The following NEK11 variants were observed in gnomAD, a reference collection of about 807,000 sequenced individuals.
NEK11 encodes the protein NIMA related kinase 11.
In NEK11, 72 loss-of-function variants were observed where a neutral mutation model predicts 80.7. The observed-to-expected ratio is 0.89, with a 90% CI of 0.74 to 1.08. NEK11 has a LOEUF of 1.08. Among genes scored for constraint, NEK11 ranks in the 50% least tolerant of loss-of-function variants. The pLI, the probability that NEK11 is intolerant of heterozygous loss-of-function variation, is 0.00. For missense variants in NEK11, 764 were observed against 763.6 expected, an observed-to-expected ratio of 1.00 and a Z score of -0.01; for synonymous variants, 251 against 260.7, an observed-to-expected ratio of 0.96 and a Z score of 0.36.
At chr3:131,132,633 A>G (rs537328738) in intron 5 of NEK11, 112 bp from the exon 6 acceptor site, 2 of 603,336 alleles carry the variant, frequency 3.3e-6, no homozygotes, top group South Asian at 2.0e-5. Flanking sequence ...AGATATATCT[A>G]TGGGAGTATA....
chr3:131,348,491 A>G (rs538267558), intron 17 of NEK11, among the ~76,000 whole-genome samples: 3 of 152,210 alleles, frequency 2.0e-5, no homozygotes, highest in African/African-American at 7.2e-5. Flanking sequence ...CAGAAAATGC[A>G]GAGTACAGAG....
At chr3:131,296,042 T>A (rs2096589374) in intron 17 of NEK11, among the ~76,000 whole-genome samples, 1 of 152,090 alleles carries the variant, frequency 6.6e-6, no homozygotes, top group African/African-American at 2.4e-5. Context: ...GGTTTCACCA[T>A]GATGTCCAAC....
intron 14 of NEK11, chr3:131,184,739 A>G (rs2093526713): frequency 1.6e-6 from 2 of 1,252,502 alleles, no homozygotes; most frequent in Non-Finnish European, 2.1e-6. Context: ...AATACTGGAA[A>G]AATGAAAAAT....
At chr3:131,213,138 C>T (rs2150551756) in intron 14 of NEK11, among the ~76,000 whole-genome samples, 1 of 152,108 alleles carries the variant, frequency 6.6e-6, no homozygotes, top group East Asian at 1.9e-4. Context: ...TTGCCAGCCC[C>T]CATAATTGCG....
chr3:131,133,300 A>G (rs779810489), intron 6 of NEK11: 10 of 455,060 alleles, frequency 2.2e-5, no homozygotes, highest in Non-Finnish European at 4.0e-5. Flanking sequence ...TAATCATCAT[A>G]TAGGGTGTAC....
chr3:131,141,223 T>A (rs2086824915), intron 7 of NEK11, among the ~76,000 whole-genome samples: 1 of 152,022 alleles, frequency 6.6e-6, no homozygotes, highest in Admixed American at 6.6e-5. Context: ...GATAAACATA[T>A]AAACAAACTG....
At chr3:131,343,345 G>A (rs1249641016) in intron 17 of NEK11, among the ~76,000 whole-genome samples, 1 of 152,168 alleles carries the variant, frequency 6.6e-6, no homozygotes, top group African/African-American at 2.4e-5. Flanking sequence ...TTTGATAGGA[G>A]CAGGGAGGAT....
At chr3:131,258,214 A>G (rs2095851624) in intron 16 of NEK11, among the ~76,000 whole-genome samples, 1 of 152,120 alleles carries the variant, frequency 6.6e-6, no homozygotes, top group African/African-American at 2.4e-5. Context: ...GGGGCACAGT[A>G]CACACTGCTC....
rs1312088346 is a variant in NEK11, at chr3:131,349,332, T to C, written c.1719-225T>C. 3.3e-5 allele frequency among the ~76,000 whole-genome samples: 5 copies of C among 152,216 alleles called. No individual in the cohort carries two copies. The East Asian group carries it at 9.6e-4, about 29-fold the overall frequency. The stretch of plus-strand genomic sequence containing the variant: ...GGACTTTGCCTAACTTGTTTACTGC[T>C]ATATTCCCAGTTCCTTGAAGGGTAC... On this transcript the variant is annotated intron_variant, in intron 17 of 17. Transcript: ENST00000383366.
intron 3 of NEK11, among the ~76,000 whole-genome samples, chr3:131,051,965 C>T (rs1290679191): frequency 1.3e-5 from 2 of 152,162 alleles, no homozygotes; most frequent in African/African-American, 4.8e-5. Flanking sequence ...ATCCTTCTCT[C>T]CCCTTTTTTG....
At chr3:131,317,606 AGAAT>A (rs1164603979) in intron 17 of NEK11, among the ~76,000 whole-genome samples, 17 of 151,624 alleles carry the variant, frequency 1.1e-4, no homozygotes, top group Admixed American at 7.2e-4. Context: ...TTAGAAATGC[AGAAT>A]CTGACCAGCT....
chr3:131,111,743 C>T (rs1388810565), intron 5 of NEK11, among the ~76,000 whole-genome samples: 1 of 152,056 alleles, frequency 6.6e-6, no homozygotes, highest in Non-Finnish European at 1.5e-5. Flanking sequence ...ATTATTTTTG[C>T]ACCTACCTAA....
chr3:131,270,407 A>C (rs1313559316), intron 16 of NEK11, among the ~76,000 whole-genome samples: 1 of 152,186 alleles, frequency 6.6e-6, no homozygotes, highest in East Asian at 1.9e-4. Flanking sequence ...CTAAAGAAGA[A>C]TCTGCATTTT....
chr3:131,138,990 G>A (rs144205007), intron 7 of NEK11, among the ~76,000 whole-genome samples: 1 of 152,160 alleles, frequency 6.6e-6, no homozygotes, highest in East Asian at 1.9e-4. Context: ...ATTCACAAGT[G>A]TCAAGACCAA....
chr3:131,244,971 T>G (rs1239305318), intron 16 of NEK11, among the ~76,000 whole-genome samples: 2 of 152,052 alleles, frequency 1.3e-5, no homozygotes, highest in South Asian at 4.1e-4. Context: ...AGGGGTACAG[T>G]GCAGTTTTCT....
intron 5 of NEK11, among the ~76,000 whole-genome samples, chr3:131,121,456 C>G (rs767101287): frequency 6.6e-6 from 1 of 152,226 alleles, no homozygotes; most frequent in African/African-American, 2.4e-5. Flanking sequence ...AGGAGGCAGT[C>G]TGTCCGTTCT....
At chr3:131,227,565 A>G (rs1053069826) in intron 14 of NEK11, among the ~76,000 whole-genome samples, 7 of 152,142 alleles carry the variant, frequency 4.6e-5, no homozygotes, top group African/African-American at 1.7e-4. Flanking sequence ...TATTTTTCCC[A>G]CTAGACCAGA....
At chr3:131,064,988 G>A (rs1358510720) in intron 3 of NEK11, among the ~76,000 whole-genome samples, 2 of 152,138 alleles carry the variant, frequency 1.3e-5, no homozygotes, top group Admixed American at 1.3e-4. Flanking sequence ...CCAGACAGCG[G>A]AATAGCATAA....
intron 9 of NEK11, 57 bp from the exon 10 acceptor site, chr3:131,154,979 C>A: frequency 9.9e-7 from 1 of 1,005,226 alleles, no homozygotes; most frequent in Non-Finnish European, 1.6e-6. Context: ...GTAATTTATT[C>A]CCTTTCATCC....
Sources: gnomAD v4.1 joint callset for allele counts (sites outside exome capture counted in the v4.1 genomes callset) on GRCh38, gnomAD v4.1.1 for gene constraint, MANE v1.5 for transcripts, NCBI Gene and HGNC (gene_info 2026-07-23, HGNC 2026-07-21) for gene names.